Variants in EPB41L5 observed in about 807,000 individuals in gnomAD.
EPB41L5 encodes band 4.1-like protein 5.
In EPB41L5, 55 loss-of-function variants were observed where a neutral mutation model predicts 106.6. The observed-to-expected ratio is 0.52, with a 90% CI of 0.42 to 0.65. EPB41L5 has a LOEUF of 0.65. Among genes scored for constraint, EPB41L5 ranks in the 30% least tolerant of loss-of-function variants. The pLI is 0.00. For synonymous variants in EPB41L5, 297 were observed against 306.7 expected, an observed-to-expected ratio of 0.97 and a Z score of 0.33; for missense variants, 871 against 882.1, an observed-to-expected ratio of 0.99 and a Z score of 0.16.
At chr2:120,102,720 A>G (rs983412778) in intron 16 of EPB41L5, among the ~76,000 whole-genome samples, 2 of 152,134 alleles carry the variant, frequency 1.3e-5, no homozygotes, top group African/African-American at 4.8e-5. Flanking sequence ...AGTCTTCAGC[A>G]TTTTTTTGCT....
chr2:120,021,681 A>T (rs1677942418), intron 2 of EPB41L5, among the ~76,000 whole-genome samples: 1 of 152,194 alleles, frequency 6.6e-6, no homozygotes. Context: ...TGTAGGTGAA[A>T]TCGTACTTAT....
chr2:120,165,391 G>C (rs1200422230), intron 22 of EPB41L5, among the ~76,000 whole-genome samples: 1 of 152,104 alleles, frequency 6.6e-6, no homozygotes, highest in African/African-American at 2.4e-5. Context: ...AAATGGTGTA[G>C]TGTTTGCATA....
chr2:120,068,029 G>A (rs537188988), intron 3 of EPB41L5, among the ~76,000 whole-genome samples: 16 of 152,340 alleles, frequency 1.1e-4, no homozygotes, highest in African/African-American at 3.8e-4. Context: ...GCAGCTGCCA[G>A]TGAGATCAAC....
intron 20 of EPB41L5, among the ~76,000 whole-genome samples, chr2:120,153,308 GTTAT>G (rs757520084): frequency 2.1e-4 from 32 of 152,014 alleles, no homozygotes; most frequent in African/African-American, 5.8e-4. Flanking sequence ...TTCCAATTAA[GTTAT>G]TTATAATTTC....
chr2:120,019,602 A>G (rs1677789472), intron 2 of EPB41L5, among the ~76,000 whole-genome samples: 1 of 152,214 alleles, frequency 6.6e-6, no homozygotes, highest in African/African-American at 2.4e-5. Flanking sequence ...ATCCTTGTTG[A>G]ACCATTATTA....
chr2:120,098,737 A>G (rs1311587190), intron 14 of EPB41L5, among the ~76,000 whole-genome samples: 1 of 152,224 alleles, frequency 6.6e-6, no homozygotes, highest in East Asian at 1.9e-4. Flanking sequence ...AAAATAGAAT[A>G]TAAAATATGT....
At chr2:120,061,634 G>A (rs1681086975) in intron 3 of EPB41L5, among the ~76,000 whole-genome samples, 1 of 152,146 alleles carries the variant, frequency 6.6e-6, no homozygotes, top group Admixed American at 6.5e-5. Flanking sequence ...TGACAGGCAT[G>A]AGCCACCACA....
chr2:120,038,422 C>G (rs1018582829), intron 2 of EPB41L5, among the ~76,000 whole-genome samples: 2 of 152,158 alleles, frequency 1.3e-5, no homozygotes, highest in Non-Finnish European at 2.9e-5. Context: ...TATACACTTT[C>G]AGAGGGAATG....
At chr2:120,070,474 C>G (rs1574587753) in intron 3 of EPB41L5, among the ~76,000 whole-genome samples, 1 of 152,210 alleles carries the variant, frequency 6.6e-6, no homozygotes, top group East Asian at 1.9e-4. Context: ...CTCCCTAACT[C>G]ATTTTATGAG....
In EPB41L5 at chr2:120,160,932, T is replaced by A. The variant is rs747771000; in HGVS notation, c.1845T>A (p.Thr615=). Residue 615 remains threonine (T), a synonymous_variant, in exon 21 of 25, where the codon ACT becomes ACA. Coordinates refer to ENST00000263713, the MANE Select transcript of EPB41L5 (RefSeq NM_020909.4). The part of the protein sequence containing the change: ...NVPLPKESLE[T]LMLITPADSG... ...CCCTCCCCAAAGAGTCTCTTGAGAC[T>A]CTGATGCTTATCACACCTGCCGACA... is the stretch of plus-strand genomic sequence containing the variant. 1.9e-6 allele frequency: 3 copies of A among 1,614,032 alleles called. No homozygotes were observed. The highest frequency in any genetic ancestry group is 2.5e-6 in the Non-Finnish European group (3 of 1,179,884).
At chr2:120,157,102 C>G (rs1404149743) in intron 20 of EPB41L5, among the ~76,000 whole-genome samples, 1 of 152,156 alleles carries the variant, frequency 6.6e-6, no homozygotes, top group Non-Finnish European at 1.5e-5. Flanking sequence ...CAGACTACAG[C>G]ACAATCAAAT....
chr2:120,072,353 T>C (rs1008725075), intron 3 of EPB41L5, among the ~76,000 whole-genome samples: 4 of 152,190 alleles, frequency 2.6e-5, no homozygotes, highest in African/African-American at 7.2e-5. Flanking sequence ...GGTTCAACCA[T>C]TGTGGAAGAC....
At chr2:120,118,801 A>G (rs1192573250) in intron 16 of EPB41L5, among the ~76,000 whole-genome samples, 1 of 152,298 alleles carries the variant, frequency 6.6e-6, no homozygotes, top group South Asian at 2.1e-4. Context: ...TGATGGACAT[A>G]TGCATGCATG....
chr2:120,018,090 A>G (rs1677658855), intron 1 of EPB41L5, among the ~76,000 whole-genome samples: 1 of 151,730 alleles, frequency 6.6e-6, no homozygotes, highest in Non-Finnish European at 1.5e-5. Context: ...GCCTCCCGGT[A>G]GCTGGGACTA....
intron 10 of EPB41L5, among the ~76,000 whole-genome samples, chr2:120,085,623 C>T (rs1426653754): frequency 6.6e-6 from 1 of 152,202 alleles, no homozygotes; most frequent in Non-Finnish European, 1.5e-5. Context: ...AGAACCACTG[C>T]TCTCGAAGGT....
intron 14 of EPB41L5, among the ~76,000 whole-genome samples, chr2:120,095,495 T>C (rs1353443970): frequency 1.3e-5 from 2 of 151,894 alleles, no homozygotes; most frequent in Non-Finnish European, 2.9e-5. Flanking sequence ...TCGCTTCTCT[T>C]TATACTTTTT....
At chr2:120,019,650 GTGTAC>G (rs1392764223) in intron 2 of EPB41L5, among the ~76,000 whole-genome samples, 1 of 152,178 alleles carries the variant, frequency 6.6e-6, no homozygotes, top group Non-Finnish European at 1.5e-5. Context: ...ACACTTAAAT[GTGTAC>G]TGTAAGACTT....
intron 9 of EPB41L5, among the ~76,000 whole-genome samples, chr2:120,078,133 G>A (rs1433381468): frequency 6.6e-6 from 1 of 152,118 alleles, no homozygotes; most frequent in African/African-American, 2.4e-5. Flanking sequence ...CAAGATTTGG[G>A]TGTAGACATA....
chr2:120,163,377 T>A (rs574066311), intron 21 of EPB41L5, among the ~76,000 whole-genome samples: 1 of 152,182 alleles, frequency 6.6e-6, no homozygotes, highest in East Asian at 1.9e-4. Context: ...TTTGTTGTTT[T>A]AAAATTCTCC....
Sources: allele counts gnomAD v4.1 joint callset (sites outside exome capture counted in the v4.1 genomes callset), GRCh38; gene constraint gnomAD v4.1.1; transcripts MANE v1.5; gene names NCBI Gene and HGNC (gene_info 2026-07-23, HGNC 2026-07-21).